Variants in NFAT5 observed in about 807,000 individuals in gnomAD.
NFAT5 encodes the protein nuclear factor of activated T cells 5.
Under a neutral mutation model 166.5 loss-of-function variants are expected in NFAT5, and 31 were observed. That is an observed-to-expected ratio of 0.19 (90% CI 0.14 to 0.25). The LOEUF (loss-of-function observed/expected upper bound fraction) is 0.25, where lower values mean the gene tolerates loss of function less well. Ranked by LOEUF, NFAT5 falls within the 10% of genes least tolerant of loss-of-function variation. The pLI, the probability that NFAT5 is intolerant of heterozygous loss-of-function variation, is 1.00. For synonymous variants in NFAT5, 612 were observed against 639.7 expected (o/e 0.96, Z 0.65); for missense variants, 1,449 against 1,821.8 (o/e 0.80, Z 3.72).
intron 2 of NFAT5, among the ~76,000 whole-genome samples, chr16:69,575,243 G>A (rs1035951831): frequency 2.6e-5 from 4 of 151,976 alleles, no homozygotes; most frequent in Non-Finnish European, 5.9e-5. Context: ...TCTGGGCTCA[G>A]TGCAACCTCC....
At chr16:69,687,360 G>T (rs2037348325) in intron 11 of NFAT5, among the ~76,000 whole-genome samples, 1 of 145,270 alleles carries the variant, frequency 6.9e-6, no homozygotes, top group Admixed American at 7.2e-5. Context: ...AGAATCGCTT[G>T]AATCCAGGAG....
At chr16:69,669,927 G>A (rs568198732) in intron 7 of NFAT5, 50 bp from the exon 8 acceptor site, 3 of 1,492,830 alleles carry the variant, frequency 2.0e-6, no homozygotes, top group Non-Finnish European at 2.7e-6. Context: ...TTTTAGGTAA[G>A]AAATAAGTTT....
At position 69,647,371 on chromosome 16, in the gene NFAT5, C is replaced by G. The variant is rs764870456; in HGVS notation, c.597C>G (p.Ser199=). 2 of 1,614,122 alleles carry G rather than the reference C, an allele frequency of 1.2e-6. No individual in the cohort carries two copies. Among genetic ancestry groups the G allele is most frequent in the Non-Finnish European group, 1.7e-6 (2 of 1,180,018 alleles). The change falls in exon 4 of 15, where the codon TCC becomes TCG. Residue 199 remains serine, a synonymous_variant. Transcript: ENST00000349945. This position sits in a 1 kb window ranked among gnomAD's most constrained non-coding sequence, Gnocchi z 4.8. ...GTATGTGGATGGAGGATTCCCCCTC[C>G]AACTTCAGTAACATGAGCACCAGTT... The part of the protein sequence containing the change: ...SCSMWMEDSP[S]NFSNMSTSSY...
At position 69,571,129 on chromosome 16, in the gene NFAT5, T is replaced by TAAA. The variant is rs56221116; in HGVS notation, c.127+2607_127+2609dup. 8.5e-3 allele frequency among the ~76,000 whole-genome samples: 267 copies of TAAA among 31,368 alleles called. 50 individuals carry two copies. The highest frequency in any genetic ancestry group is 0.019 in the African/African-American group (235 of 12,560). The allele number at this position is 31,368 out of a possible 152,430, so 20.6% of individuals were successfully genotyped here. A position where few individuals can be genotyped will look rare whatever the true frequency, so the allele number is the denominator to read the frequency against. ...TAACATGGTGAAACCCCATCTCTAC[T>TAAA]AAAAAAAAAAAAAAAAAAAAAAAAA... On this transcript the variant is annotated intron_variant, in intron 2 of 14. Transcript: ENST00000349945.
In NFAT5 at chr16:69,647,166, G is replaced by A. The variant is rs761621437; in HGVS notation, c.392G>A (p.Gly131Glu). Residue 131 changes from glycine to glutamate, a missense_variant, in exon 4 of 15, where the codon GGG becomes GAG. Coordinates refer to ENST00000349945, the MANE Select transcript of NFAT5 (RefSeq NM_138713.4). This position sits in a 1 kb window ranked among gnomAD's most constrained non-coding sequence, Gnocchi z 4.8. ...MQVESCSSAV[G>E]VSNRGVSEKQ... ...GTGGAGAGCTGCTCCTCAGCCGTGG[G>A]GGTAAGTAACAGAGGGGTAAGTGAA... 6.2e-7 allele frequency: 1 copy of A among 1,614,052 alleles called. No homozygotes were observed. The highest frequency in any genetic ancestry group is 1.3e-5 in the African/African-American group (1 of 75,006).
intron 7 of NFAT5, among the ~76,000 whole-genome samples, chr16:69,669,374 G>A (rs1351346398): frequency 6.6e-6 from 1 of 152,050 alleles, no homozygotes; most frequent in Non-Finnish European, 1.5e-5. Context: ...GTGAAACCCC[G>A]TCTCTACTAA....
rs2037651549 is a variant in NFAT5 at position 69,693,694 on chromosome 16, A to G, written c.3869A>G (p.Asn1290Ser). ...CAACAACAGAGCATTTTATTCAGTA[A>G]TCAGAATACCATGGCTACAATGGCG... ...QQQQQSILFS[N>S]QNTMATMASP... Residue 1290 changes from asparagine to serine, a missense_variant, in exon 13 of 15, where the codon AAT (asparagine) becomes AGT (serine). Transcript: ENST00000349945. The G allele has an allele frequency of 5.6e-6, 9 of 1,614,254 alleles. No homozygotes were observed. The highest frequency in any genetic ancestry group is 2.7e-5 in the African/African-American group (2 of 75,080).
At chr16:69,656,454 CTTTT>C (rs201048494) in intron 6 of NFAT5, among the ~76,000 whole-genome samples, 1 of 142,914 alleles carries the variant, frequency 7.0e-6, no homozygotes, top group African/African-American at 2.6e-5. Flanking sequence ...GCTTTAAAAA[CTTTT>C]TTTTTTTTTT....
At chr16:69,688,508 T>C (rs1485360146) in intron 11 of NFAT5, among the ~76,000 whole-genome samples, 2 of 151,968 alleles carry the variant, frequency 1.3e-5, no homozygotes, top group Non-Finnish European at 2.9e-5. Context: ...AGGTGCCCTC[T>C]ACCACACCTG....
At chr16:69,629,950 T>C (rs939103723) in intron 3 of NFAT5, among the ~76,000 whole-genome samples, 16 of 151,248 alleles carry the variant, frequency 1.1e-4, no homozygotes, top group Non-Finnish European at 2.4e-4. Flanking sequence ...ATTTTTTTTT[T>C]TTTTTAAACA....
At chr16:69,603,113 A>C (rs1217997739) in intron 2 of NFAT5, among the ~76,000 whole-genome samples, 2 of 152,182 alleles carry the variant, frequency 1.3e-5, no homozygotes, top group African/African-American at 2.4e-5. Context: ...TTAAAAAAAC[A>C]GGCCTATAGA....
intron 3 of NFAT5, among the ~76,000 whole-genome samples, chr16:69,641,277 C>CA (rs60281310): frequency 0.036 from 2,545 of 69,784 alleles, 33 homozygotes; most frequent in Non-Finnish European, 0.053. Flanking sequence ...GACTCCGTCT[C>CA]AAAAAAAAAA....
Position 69,692,134 on chromosome 16 carries a change from C to T in NFAT5, c.2309C>T (p.Thr770Ile), listed in dbSNP as rs766817345. 5 of 1,614,116 alleles carry T rather than the reference C, an allele frequency of 3.1e-6. No homozygotes were observed. In the East Asian group the frequency reaches 1.1e-4, roughly 36 times the overall value. ...TCACCACTACAAGAACAAGCACAGA[C>T]TTTACAGCAGCAGATTTCATCAAAT... is the stretch of plus-strand genomic sequence containing the variant. The part of the protein sequence containing the change: ...QQSPLQEQAQ[T>I]LQQQISSNIF... Residue 770 changes from threonine (T) to isoleucine (I), a missense_variant, in exon 13 of 15, where the codon ACT becomes ATT. Physicochemically the swap from Thr to Ile is moderately conservative, Grantham distance 89. Transcript: ENST00000349945.
chr16:69,589,144 G>A (rs992159839), intron 2 of NFAT5, among the ~76,000 whole-genome samples: 14 of 151,936 alleles, frequency 9.2e-5, no homozygotes, highest in African/African-American at 3.4e-4. Context: ...ACAGGCATGT[G>A]CCACCACGCC....
chr16:69,608,641 G>A (rs1458315228), intron 2 of NFAT5, among the ~76,000 whole-genome samples: 1 of 151,578 alleles, frequency 6.6e-6, no homozygotes, highest in Non-Finnish European at 1.5e-5. Context: ...AATAGTAGTT[G>A]TCATTTTAGT....
intron 2 of NFAT5, among the ~76,000 whole-genome samples, chr16:69,621,772 C>G (rs2034208170): frequency 6.6e-6 from 1 of 151,944 alleles, no homozygotes; most frequent in Admixed American, 6.6e-5. Context: ...CTGAGACCAG[C>G]CTGGGCAACA....
intron 2 of NFAT5, among the ~76,000 whole-genome samples, chr16:69,616,303 C>T (rs1163828419): frequency 2.0e-5 from 3 of 151,878 alleles, no homozygotes; most frequent in Admixed American, 6.6e-5. Flanking sequence ...TTATACCTGC[C>T]GGGTAACCTC....
rs201942744 is a variant in NFAT5 at position 69,692,335 on chromosome 16, A to G, written c.2510A>G (p.Asn837Ser). The G allele has an allele frequency of 1.5e-4, 237 of 1,614,212 alleles. 3 individuals carry two copies. In the South Asian group the frequency reaches 2.3e-3, roughly 16 times the overall value. ...GTTTTATTTTCTGCTCCAGATGGTA[A>G]TGAGAATGTTCAAGAGCAGCTTAGT... ...SSVLFSAPDG[N>S]ENVQEQLSAD... The change falls in exon 13 of 15, where the codon AAT becomes AGT. Residue 837 changes from asparagine (N) to serine (S), a missense_variant. Physicochemically the swap from Asn to Ser is conservative, Grantham distance 46. This residue lies in a region of NFAT5 where 891 missense variants were observed against 993.0 expected (regional missense o/e 0.90). Transcript: ENST00000349945.
chr16:69,656,935 T>G (rs1465831177), intron 6 of NFAT5, among the ~76,000 whole-genome samples: 2 of 151,996 alleles, frequency 1.3e-5, no homozygotes, highest in Admixed American at 6.6e-5. Flanking sequence ...TCCTTAAGCC[T>G]TTTGTAAAGG....
Sources: gnomAD v4.1 joint callset for allele counts (sites outside exome capture counted in the v4.1 genomes callset) on GRCh38, gnomAD v4.1.1 for gene constraint, gnomAD v4.1.1 regional missense constraint, Gnocchi (gnomAD v3.1) non-coding constraint, MANE v1.5 for transcripts, NCBI Gene and HGNC (gene_info 2026-07-23, HGNC 2026-07-21) for gene names.